NDUFS5: variants seen among roughly 807,000 people sequenced by gnomAD.
The protein encoded by NDUFS5 is NADH:ubiquinone oxidoreductase subunit S5.
A neutral mutation model predicts 10.5 loss-of-function variants in NDUFS5; 7 were observed. That is an observed-to-expected ratio of 0.66 (90% CI 0.38 to 1.25). The LOEUF (loss-of-function observed/expected upper bound fraction) is 1.25, where lower values mean the gene tolerates loss of function less well. Ranked by LOEUF, NDUFS5 falls within the 50% of genes most tolerant of loss-of-function variation. NDUFS5 has a pLI of 0.02. For synonymous variants in NDUFS5, 38 were observed against 44.0 expected, an observed-to-expected ratio of 0.86 and a Z score of 0.54; for missense variants, 148 against 140.7, an observed-to-expected ratio of 1.05 and a Z score of -0.26.
At chr1:39,033,563 G>A (rs1380681539) in intron 2 of NDUFS5, among the ~76,000 whole-genome samples, 17 of 143,724 alleles carry the variant, frequency 1.2e-4, no homozygotes, top group South Asian at 7.5e-4. Flanking sequence ...GTACAGTAGC[G>A]CGATCTCAAC....
chr1:39,028,067 G>A (rs1462614407), intron 1 of NDUFS5, among the ~76,000 whole-genome samples: 2 of 144,588 alleles, frequency 1.4e-5, no homozygotes, highest in Non-Finnish European at 3.0e-5. Flanking sequence ...TAATCCACCC[G>A]CCTTGGCCTC....
At position 39,034,410 on chromosome 1, in the gene NDUFS5, A is replaced by G. The variant is rs746082834; in HGVS notation, c.235A>G (p.Ile79Val). 24 of 1,613,448 alleles carry G rather than the reference A, an allele frequency of 1.5e-5. No homozygotes were observed. The highest frequency in any genetic ancestry group is 1.7e-5 in the Admixed American group (1 of 59,972). Residue 79 changes from isoleucine to valine, a missense_variant, in exon 3 of 3, where the codon ATC becomes GTC. Physicochemically the swap from Ile to Val is conservative, Grantham distance 29. Coordinates refer to ENST00000372969, the MANE Select transcript of NDUFS5 (RefSeq NM_004552.3). Reference sequence around the variant, plus strand: ...TTGACAGATGAGACGTGCAGGTACCATCAGGAAGCAGCGGGATAAGCTGAT... The same window carrying G: ...TTGACAGATGAGACGTGCAGGTACCGTCAGGAAGCAGCGGGATAAGCTGAT... ...RQKTMRRAGT[I>V]RKQRDKLIKE...
chr1:39,026,751 C>T (rs1324330558), intron 1 of NDUFS5, among the ~76,000 whole-genome samples: 1 of 152,248 alleles, frequency 6.6e-6, no homozygotes, highest in African/African-American at 2.4e-5. Context: ...CCGTCATGCA[C>T]GCTGCGCTCC....
intron 2 of NDUFS5, among the ~76,000 whole-genome samples, chr1:39,031,829 C>T (rs1644192185): frequency 6.6e-6 from 1 of 152,134 alleles, no homozygotes; most frequent in South Asian, 2.1e-4. Context: ...AAGTTCTTAG[C>T]ATATTATAAT....
intron 2 of NDUFS5, among the ~76,000 whole-genome samples, chr1:39,034,046 C>A (rs937887674): frequency 6.6e-6 from 1 of 151,972 alleles, no homozygotes; most frequent in Non-Finnish European, 1.5e-5. Flanking sequence ...GTGATCCACC[C>A]GCCTCAGCCT....
intron 1 of NDUFS5, among the ~76,000 whole-genome samples, chr1:39,027,811 CTT>C (rs1644162019): frequency 1.7e-5 from 1 of 58,624 alleles, no homozygotes; most frequent in South Asian, 5.3e-4. Flanking sequence ...TTTTCTTCTT[CTT>C]CTTTTTTTTT....
Position 39,027,727 on chromosome 1 carries a change from C to A in NDUFS5, c.-2-996C>A, listed in dbSNP as rs530894357. 9.1e-5 allele frequency among the ~76,000 whole-genome samples: 12 copies of A among 132,460 alleles called. No homozygotes were observed. In the East Asian group the frequency reaches 2.5e-3, roughly 28 times the overall value. 86.9% of individuals were successfully genotyped at this position (132,460 alleles called of 152,430 possible). ...TAGCTGGGACTACAGGCGCACATAC[C>A]ACCACAAGTGCCTTTTTTTTTTTTT... is the stretch of plus-strand genomic sequence containing the variant. On this transcript the variant is annotated intron_variant, in intron 1 of 2. Transcript: ENST00000372969.
In NDUFS5 at chr1:39,032,451, C is replaced by T. The variant is rs186440090; in HGVS notation, c.217-1941C>T. Among the ~76,000 whole-genome samples the T allele has an allele frequency of 1.8e-3, 276 of 152,210 alleles. 1 individual carries two copies. Among genetic ancestry groups the T allele is most frequent in the African/African-American group, 6.2e-3 (258 of 41,546 alleles). On this transcript the variant is annotated intron_variant, in intron 2 of 2. Coordinates refer to ENST00000372969, the MANE Select transcript of NDUFS5 (RefSeq NM_004552.3). Reference sequence around the variant, plus strand: ...AATGTTTATTTCAGGGTTTTTTCTACTGAAGTTATATCAACACTACTTCTT... The same window carrying T: ...AATGTTTATTTCAGGGTTTTTTCTATTGAAGTTATATCAACACTACTTCTT...
In NDUFS5 at chr1:39,027,580, G is replaced by GGTTTTTTTTTTTT. The variant is rs1553165578; in HGVS notation, c.-2-1142_-2-1130dup. ...AGTCTTAACCCATTTCTTTCGCTCTGGTTTTTTTTTTTTTTTGAGACAGGA... is the reference window on the plus strand; with the variant it reads ...AGTCTTAACCCATTTCTTTCGCTCTGGTTTTTTTTTTTTGTTTTTTTTTTTTTTTGAGACAGGA... On this transcript the variant is annotated intron_variant, in intron 1 of 2. Transcript: ENST00000372969. Among the ~76,000 whole-genome samples the GGTTTTTTTTTTTT allele has an allele frequency of 5.9e-4, 26 of 44,042 alleles. 3 individuals carry two copies. The highest frequency in any genetic ancestry group is 1.3e-3 in the African/African-American group (25 of 19,278). The allele number at this position is 44,042 out of a possible 152,430, so 28.9% of individuals were successfully genotyped here.
chr1:39,034,150 A>G (rs931966937), intron 2 of NDUFS5, among the ~76,000 whole-genome samples: 1 of 152,120 alleles, frequency 6.6e-6, no homozygotes, highest in Non-Finnish European at 1.5e-5. Context: ...CCATATTGCT[A>G]TATATATTAA....
chr1:39,033,800 TTTTA>T (rs969137557), intron 2 of NDUFS5, among the ~76,000 whole-genome samples: 1 of 144,134 alleles, frequency 6.9e-6, no homozygotes, highest in Non-Finnish European at 1.5e-5. Flanking sequence ...ACGGCCCAAC[TTTTA>T]TTTATTTATT....
chr1:39,032,517 G>A (rs140949641), intron 2 of NDUFS5, among the ~76,000 whole-genome samples: 15 of 151,794 alleles, frequency 9.9e-5, no homozygotes, highest in African/African-American at 1.7e-4. Flanking sequence ...CTAATTTTTC[G>A]TATCTTTGTG....
intron 2 of NDUFS5, among the ~76,000 whole-genome samples, chr1:39,033,316 G>A (rs1406583593): frequency 2.0e-5 from 3 of 152,046 alleles, no homozygotes; most frequent in African/African-American, 7.2e-5. Flanking sequence ...GCTCACGCCT[G>A]TAATCCCAGC....
At chr1:39,029,161 T>A (rs1004133063) in intron 2 of NDUFS5, among the ~76,000 whole-genome samples, 2 of 151,820 alleles carry the variant, frequency 1.3e-5, no homozygotes, top group Non-Finnish European at 2.9e-5. Flanking sequence ...CCTGGCTAAT[T>A]TTTGTATTTT....
chr1:39,031,868 G>A (rs1285686039), intron 2 of NDUFS5, among the ~76,000 whole-genome samples: 3 of 152,100 alleles, frequency 2.0e-5, no homozygotes, highest in Non-Finnish European at 2.9e-5. Flanking sequence ...AATCCTATGA[G>A]ATGAGTTACT....
chr1:39,033,805 T>C (rs1168521256), intron 2 of NDUFS5, among the ~76,000 whole-genome samples: 5 of 146,516 alleles, frequency 3.4e-5, no homozygotes, highest in Admixed American at 1.4e-4. Flanking sequence ...CCAACTTTTA[T>C]TTATTTATTT....
intron 2 of NDUFS5, among the ~76,000 whole-genome samples, 179 bp from the exon 3 acceptor site, chr1:39,034,213 T>G (rs1293355308): frequency 2.0e-5 from 3 of 152,226 alleles, no homozygotes; most frequent in Admixed American, 2.0e-4. Flanking sequence ...AAAATTTGTT[T>G]GAAAGCTTGG....
intron 2 of NDUFS5, among the ~76,000 whole-genome samples, chr1:39,031,312 G>T (rs934078729): frequency 1.3e-5 from 2 of 151,830 alleles, no homozygotes; most frequent in African/African-American, 2.4e-5. Context: ...CACCCATCCT[G>T]TTAGTCGTGT....
intron 1 of NDUFS5, among the ~76,000 whole-genome samples, chr1:39,027,147 T>C (rs1487968770): frequency 6.6e-6 from 1 of 152,128 alleles, no homozygotes; most frequent in Middle Eastern, 3.2e-3. Flanking sequence ...CTCGGCTCAC[T>C]GCAGCCTCTG....
Sources: gnomAD v4.1 joint callset for allele counts (sites outside exome capture counted in the v4.1 genomes callset) on GRCh38, gnomAD v4.1.1 for gene constraint, MANE v1.5 for transcripts, NCBI Gene and HGNC (gene_info 2026-07-23, HGNC 2026-07-21) for gene names.